The following PANK1 variants were observed in gnomAD, a reference collection of about 807,000 sequenced individuals.
PANK1 encodes the protein pantothenate kinase 1.
Under a neutral mutation model 40.1 loss-of-function variants are expected in PANK1, and 18 were observed. The ratio of observed to expected loss-of-function variants is 0.45; its 90% CI spans 0.31 to 0.67. The LOEUF (loss-of-function observed/expected upper bound fraction) is 0.67. Ranked by LOEUF, PANK1 falls within the 30% of genes least tolerant of loss-of-function variation. PANK1 has a pLI of 0.06. For synonymous variants in PANK1, 242 were observed against 237.7 expected (o/e 1.02, Z -0.17); for missense variants, 457 against 599.6 (o/e 0.76, Z 2.48).
intron 3 of PANK1, among the ~76,000 whole-genome samples, chr10:89,597,326 T>A (rs527716610): frequency 9.2e-5 from 14 of 152,332 alleles, no homozygotes; most frequent in Admixed American, 8.5e-4. Context: ...TGGATCAGGA[T>A]CACAGCCCCA....
chr10:89,584,744 T>G (rs192313710), intron 6 of PANK1, among the ~76,000 whole-genome samples: 2 of 152,302 alleles, frequency 1.3e-5, no homozygotes, highest in East Asian at 3.9e-4. Context: ...TCTTTATCTT[T>G]GTCATGGCAA....
intron 1 of PANK1, chr10:89,643,639 A>G: frequency 7.4e-7 from 1 of 1,347,900 alleles, no homozygotes; most frequent in Non-Finnish European, 1.1e-6. Context: ...ATTTCCCTAT[A>G]TCGAACAGCA....
At chr10:89,639,104 C>G (rs1382476571) in intron 1 of PANK1, 4 of 374,396 alleles carry the variant, frequency 1.1e-5, no homozygotes, top group African/African-American at 2.0e-5. Flanking sequence ...AATAGAATAC[C>G]TGTGACTGGG....
chr10:89,638,925 T>C (rs1270537801), intron 1 of PANK1, among the ~76,000 whole-genome samples: 2 of 151,842 alleles, frequency 1.3e-5, no homozygotes, highest in African/African-American at 2.4e-5. Context: ...CATAGCAACA[T>C]AGGCTTTTCA....
intron 2 of PANK1, among the ~76,000 whole-genome samples, chr10:89,600,831 C>T (rs1288969379): frequency 6.6e-6 from 1 of 152,062 alleles, no homozygotes; most frequent in Non-Finnish European, 1.5e-5. Context: ...TGAAACTGAA[C>T]AAATGAAGAT....
chr10:89,628,748 A>G (rs1841547237), intron 1 of PANK1, among the ~76,000 whole-genome samples: 1 of 152,080 alleles, frequency 6.6e-6, no homozygotes. Context: ...CTTAAAGATA[A>G]TCTTTCTAAA....
At chr10:89,606,791 T>C (rs1237677033) in intron 2 of PANK1, among the ~76,000 whole-genome samples, 1 of 152,238 alleles carries the variant, frequency 6.6e-6, no homozygotes, top group Non-Finnish European at 1.5e-5. Flanking sequence ...CCCAAAGTGA[T>C]GGGATTACAG....
At chr10:89,633,963 C>T (rs1841728345) in intron 1 of PANK1, among the ~76,000 whole-genome samples, 1 of 152,090 alleles carries the variant, frequency 6.6e-6, no homozygotes. Flanking sequence ...GAATATTGGT[C>T]TTGGTTCTTC....
At chr10:89,605,427 C>A (rs1158771912) in intron 2 of PANK1, among the ~76,000 whole-genome samples, 1 of 152,186 alleles carries the variant, frequency 6.6e-6, no homozygotes, top group Non-Finnish European at 1.5e-5. Flanking sequence ...TATTCTAAAT[C>A]CTTTGTTGTC....
intron 2 of PANK1, among the ~76,000 whole-genome samples, chr10:89,606,621 T>TC (rs149717597): frequency 0.54 from 82,647 of 151,670 alleles, 23,384 homozygotes; most frequent in South Asian, 0.63. Context: ...CCTCCTGGGC[T>TC]CAAGCGATCC....
chr10:89,642,655 T>C (rs1293663370), intron 1 of PANK1, among the ~76,000 whole-genome samples: 2 of 152,228 alleles, frequency 1.3e-5, no homozygotes, highest in Non-Finnish European at 2.9e-5. Context: ...GACAATATTC[T>C]TTTTATAAAG....
At chr10:89,592,697 C>T (rs754873625) in intron 5 of PANK1, 4 of 532,742 alleles carry the variant, frequency 7.5e-6, no homozygotes, top group Non-Finnish European at 1.5e-5. Context: ...TCACCAGCTC[C>T]ACCCCTTTTT....
chr10:89,614,530 G>C lies in PANK1; in HGVS notation c.293-2482C>G, dbSNP rs1564628964. 4.6e-5 allele frequency among the ~76,000 whole-genome samples: 7 copies of C among 152,180 alleles called. 1 individual carries two copies. In the South Asian group the frequency reaches 1.5e-3, roughly 32 times the overall value. ...AAAGAGAGTGAGGCCAGGTGTGGTG[G>C]CTCACACCTGTAATCCTAGCACTTT... is the stretch of plus-strand genomic sequence containing the variant. On this transcript the variant is annotated intron_variant, in intron 1 of 6. Transcript: ENST00000307534.
chr10:89,621,783 G>A (rs564582181), intron 1 of PANK1, among the ~76,000 whole-genome samples: 10 of 152,246 alleles, frequency 6.6e-5, no homozygotes, highest in South Asian at 2.1e-4. Flanking sequence ...GCACAATCTC[G>A]GCTCACTGCA....
chr10:89,597,440 G>GA (rs34728859), intron 3 of PANK1, among the ~76,000 whole-genome samples: 1,897 of 152,268 alleles, frequency 0.012, 102 homozygotes, highest in East Asian at 0.086. Flanking sequence ...ACTGATTGAA[G>GA]AGAGAGTTTA....
chr10:89,589,427 T>C lies in PANK1; in HGVS notation c.1201-650A>G, dbSNP rs1051528322. Among the ~76,000 whole-genome samples, 3 of 152,314 alleles carry C rather than the reference T, an allele frequency of 2.0e-5. No homozygotes were observed. The South Asian group carries it at 6.2e-4, about 32-fold the overall frequency. ...CTCTCCTATCCGGTTCATGCAGACA[T>C]GCTTCAAATCCCGTAAGCTTCTAGC... On this transcript the variant is annotated intron_variant, in intron 5 of 6. Coordinates refer to ENST00000307534, the MANE Select transcript of PANK1 (RefSeq NM_148977.3).
chr10:89,610,550 T>C (rs1243603063), intron 2 of PANK1, among the ~76,000 whole-genome samples: 1 of 152,194 alleles, frequency 6.6e-6, no homozygotes, highest in Non-Finnish European at 1.5e-5. Context: ...AGAAACTTAC[T>C]ATAATCAATG....
intron 1 of PANK1, among the ~76,000 whole-genome samples, chr10:89,628,404 T>C (rs769935157): frequency 6.8e-6 from 1 of 146,776 alleles, no homozygotes; most frequent in Non-Finnish European, 1.5e-5. Context: ...GAAAACACTA[T>C]GCTAAGTAAA....
intron 3 of PANK1, among the ~76,000 whole-genome samples, chr10:89,598,701 T>C (rs1403567405): frequency 1.3e-5 from 2 of 152,188 alleles, no homozygotes; most frequent in East Asian, 3.8e-4. Context: ...TGCCCCACCA[T>C]GGCCATGGGG....
Sources: allele counts gnomAD v4.1 joint callset (sites outside exome capture counted in the v4.1 genomes callset), GRCh38; gene constraint gnomAD v4.1.1; transcripts MANE v1.5; gene names NCBI Gene and HGNC (gene_info 2026-07-23, HGNC 2026-07-21).